The following PAICS variants were observed in gnomAD, a reference collection of about 807,000 sequenced individuals.
The protein encoded by PAICS is phosphoribosylaminoimidazole carboxylase and phosphoribosylaminoimidazolesuccinocarboxamide synthase, also known as bifunctional phosphoribosylaminoimidazole carboxylase/phosphoribosylaminoimidazole succinocarboxamide synthetase.
PAICS carries 33 observed loss-of-function variants against 53.7 expected under a neutral mutation model. That is an observed-to-expected ratio of 0.61 (90% CI 0.47 to 0.82). PAICS has a LOEUF of 0.82. Ranked by LOEUF, PAICS falls within the 40% of genes least tolerant of loss-of-function variation. PAICS has a pLI of 0.00. For missense variants in PAICS, 394 were observed against 494.1 expected, an observed-to-expected ratio of 0.80 and a Z score of 1.92; for synonymous variants, 141 against 167.2, an observed-to-expected ratio of 0.84 and a Z score of 1.21.
At chr4:56,417,478 G>C in the PAICS span, among the ~76,000 whole-genome samples, 38 of 152,034 alleles carry the variant, frequency 2.5e-4, no homozygotes, top group Non-Finnish European at 2.5e-4. Flanking sequence ...ACCATTAATT[G>C]TAATATTTAA....
At chr4:56,433,998 T>G (rs549952238), upstream of PAICS, among the ~76,000 whole-genome samples, 1 of 152,200 alleles carries the variant, frequency 6.6e-6, no homozygotes, top group Non-Finnish European at 1.5e-5. Flanking sequence ...CCATAGTTTC[T>G]AAGAATGTTA....
At chr4:56,411,518 G>GTGT in the PAICS span, among the ~76,000 whole-genome samples, 1 of 152,162 alleles carries the variant, frequency 6.6e-6, no homozygotes, top group African/African-American at 2.4e-5. Flanking sequence ...TTGACGTGCT[G>GTGT]TGTTGTTAAA....
At chr4:56,433,901 A>G (rs1182173404), upstream of PAICS, among the ~76,000 whole-genome samples, 1 of 152,290 alleles carries the variant, frequency 6.6e-6, no homozygotes, top group East Asian at 1.9e-4. Context: ...CATGTTGGCC[A>G]GGATGGTCTC....
chr4:56,422,515 G>C, the PAICS span: 1 of 138,144 alleles, frequency 7.2e-6, no homozygotes, highest in Non-Finnish European at 1.6e-5. Flanking sequence ...GTGTGTGTGT[G>C]TGACAAAGTA....
chr4:56,436,657 G>C (rs1336344560), intron 1 of PAICS: 3 of 600,632 alleles, frequency 5.0e-6, no homozygotes, highest in Non-Finnish European at 6.2e-6. Flanking sequence ...TGCCCGTTAG[G>C]TTAATGACCT....
chr4:56,436,953 C>T (rs537003841), intron 1 of PAICS, among the ~76,000 whole-genome samples: 2 of 152,284 alleles, frequency 1.3e-5, no homozygotes, highest in Admixed American at 1.3e-4. Context: ...GCCGAGATCG[C>T]GCCATTGCAC....
At position 56,463,343 on chromosome 4, in the gene PAICS, C is replaced by T. The variant is rs935287249; in HGVS notation, c.*3805C>T. On this transcript the variant is annotated 3_prime_UTR_variant, in exon 9 of 9. Coordinates refer to ENST00000512576, the MANE Select transcript of PAICS (RefSeq NM_001079524.2). ...AAGATACTGTACATGAGGCTGGGCG[C>T]GGTGGCTCACGTCTTATTTCTTCTG... 3.3e-5 allele frequency: 5 copies of T among 150,878 alleles called. No individual in the cohort carries two copies. Among genetic ancestry groups the T allele is most frequent in the South Asian group, 2.1e-4 (1 of 4,764 alleles). The allele number at this position is 150,878 out of a possible 1,614,324, so 9.3% of individuals were successfully genotyped here. A position where few individuals can be genotyped will look rare whatever the true frequency, so the allele number is the denominator to read the frequency against.
intron 2 of PAICS, among the ~76,000 whole-genome samples, chr4:56,445,849 C>T (rs1350018203): frequency 6.6e-6 from 1 of 152,116 alleles, no homozygotes; most frequent in African/African-American, 2.4e-5. Context: ...TATTTTAAAT[C>T]ATGTTAATGC....
chr4:56,437,256 G>GTGT (rs1553941061), intron 1 of PAICS, among the ~76,000 whole-genome samples: 1 of 124,308 alleles, frequency 8.0e-6, no homozygotes, highest in Non-Finnish European at 1.7e-5. Context: ...ATGCCATGAT[G>GTGT]GTGTGTGTGT....
chr4:56,417,435 T>C, the PAICS span, among the ~76,000 whole-genome samples: 2 of 152,164 alleles, frequency 1.3e-5, no homozygotes, highest in South Asian at 4.1e-4. Flanking sequence ...ATTTGTATGA[T>C]AGGGGCCAAA....
chr4:56,440,425 C>T (rs1254551662), intron 1 of PAICS, among the ~76,000 whole-genome samples: 1 of 152,174 alleles, frequency 6.6e-6, no homozygotes, highest in African/African-American at 2.4e-5. Flanking sequence ...CCTCCACTAG[C>T]TGGTGATGTG....
intron 3 of PAICS, among the ~76,000 whole-genome samples, chr4:56,448,007 C>CTTT (rs35788109): frequency 0.011 from 1,282 of 121,970 alleles, 54 homozygotes; most frequent in African/African-American, 0.036. Context: ...AATTTCTTTT[C>CTTT]TTTTTTTTTT....
At chr4:56,420,025 T>A in the PAICS span, 3 of 983,930 alleles carry the variant, frequency 3.0e-6, no homozygotes, top group Non-Finnish European at 3.6e-6. Flanking sequence ...TGTGCCAACG[T>A]AAAAATGGGA....
chr4:56,451,834 T>C, intron 6 of PAICS, 38 bp from the exon 7 acceptor site: 1 of 1,346,494 alleles, frequency 7.4e-7, no homozygotes, highest in Non-Finnish European at 1.0e-6. Flanking sequence ...TCATTTTTGT[T>C]TTTATGTTCT....
chr4:56,453,542 AAC>A lies in PAICS; in HGVS notation c.953-60_953-59del. ...AGGCCTTAAACCAAAAAAAAAAAAAAACCCTGTCTTTAAATCTGTTTTGAATG... is the reference window on the plus strand; with the variant it reads ...AGGCCTTAAACCAAAAAAAAAAAAAACCTGTCTTTAAATCTGTTTTGAATG... On this transcript the variant is annotated intron_variant, in intron 7 of 8. Coordinates refer to ENST00000512576, the MANE Select transcript of PAICS (RefSeq NM_001079524.2). 6 of 1,280,440 alleles carry A rather than the reference AAC, an allele frequency of 4.7e-6. No individual in the cohort carries two copies. In the South Asian group the frequency reaches 4.9e-5, roughly 10 times the overall value. The allele number at this position is 1,280,440 out of a possible 1,614,324, so 79.3% of individuals were successfully genotyped here.
At chr4:56,433,700 T>TTC (rs1553940603), upstream of PAICS, among the ~76,000 whole-genome samples, 1 of 33,094 alleles carries the variant, frequency 3.0e-5, no homozygotes, top group African/African-American at 1.1e-4. Context: ...ATAACAACTG[T>TTC]TTTTTTTTTT....
rs1248228461 is a variant in PAICS at position 56,464,301 on chromosome 4, A to G, written c.*4763A>G. 1 of 152,212 alleles carries G rather than the reference A, an allele frequency of 6.6e-6. No homozygotes were observed. Among genetic ancestry groups the G allele is most frequent in the Non-Finnish European group, 1.5e-5 (1 of 68,030 alleles). The allele number at this position is 152,212 out of a possible 1,614,324, so 9.4% of individuals were successfully genotyped here. On this transcript the variant is annotated 3_prime_UTR_variant, in exon 9 of 9. Coordinates refer to ENST00000512576, the MANE Select transcript of PAICS (RefSeq NM_001079524.2). Reference sequence around the variant, plus strand: ...AAAATTAACCTTCTGCTCTCAATGAATCTTGGAAGTCTCCAGAGGCAGACA... The same window carrying G: ...AAAATTAACCTTCTGCTCTCAATGAGTCTTGGAAGTCTCCAGAGGCAGACA...
Position 56,446,801 on chromosome 4 carries a change from T to G in PAICS, c.321T>G (p.Ser107=), listed in dbSNP as rs1344347009. The part of the protein sequence containing the change: ...EWVCRRIATG[S]FLKRNPGVKE... ...TTTGCAGAAGAATAGCAACTGGTTC[T>G]TTTCTCAAAAGAAATCCTGGTGTCA... The change falls in exon 3 of 9, where the codon TCT becomes TCG. Residue 107 remains serine (S), a synonymous_variant. Coordinates refer to ENST00000512576, the MANE Select transcript of PAICS (RefSeq NM_001079524.2). 1.2e-6 allele frequency: 2 copies of G among 1,610,002 alleles called. No homozygotes were observed. The highest frequency in any genetic ancestry group is 2.7e-5 in the African/African-American group (2 of 74,842).
the PAICS span, among the ~76,000 whole-genome samples, chr4:56,429,861 T>C: frequency 6.6e-6 from 1 of 152,230 alleles, no homozygotes; most frequent in Admixed American, 6.5e-5. Flanking sequence ...ATTCATACTA[T>C]ATGTACTTTT....
Sources: allele counts gnomAD v4.1 joint callset (sites outside exome capture counted in the v4.1 genomes callset), GRCh38; gene constraint gnomAD v4.1.1; transcripts MANE v1.5; gene names NCBI Gene and HGNC (gene_info 2026-07-23, HGNC 2026-07-21).